The following TRAPPC9 variants were observed in gnomAD, a reference collection of about 807,000 sequenced individuals.
TRAPPC9 encodes the protein IKK2 binding protein.
A neutral mutation model predicts 124.0 loss-of-function variants in TRAPPC9; 83 were observed. That is an observed-to-expected ratio of 0.67 (90% CI 0.56 to 0.80). TRAPPC9 has a LOEUF of 0.80. TRAPPC9 is among the 30% of genes least tolerant of loss of function. The pLI, the probability that TRAPPC9 is intolerant of heterozygous loss-of-function variation, is 0.00. For synonymous variants in TRAPPC9, 638 were observed against 617.5 expected (o/e 1.03, Z -0.49); for missense variants, 1,302 against 1,508.3 (o/e 0.86, Z 2.27).
intron 8 of TRAPPC9, among the ~76,000 whole-genome samples, chr8:140,369,569 A>G (rs1563979163): frequency 1.3e-5 from 2 of 152,234 alleles, no homozygotes; most frequent in East Asian, 3.8e-4. Flanking sequence ...AGAATTATCC[A>G]AAAGCAGAAC....
intron 9 of TRAPPC9, among the ~76,000 whole-genome samples, chr8:140,324,628 G>A (rs992089740): frequency 6.6e-6 from 1 of 152,034 alleles, no homozygotes; most frequent in Non-Finnish European, 1.5e-5. Flanking sequence ...AAATTAGGCG[G>A]GCATGGTAGT....
At chr8:140,432,568 C>G (rs951580354) in intron 4 of TRAPPC9, among the ~76,000 whole-genome samples, 13 of 152,158 alleles carry the variant, frequency 8.5e-5, no homozygotes, top group African/African-American at 3.1e-4. Context: ...TATACCAACC[C>G]TATAATCATA....
At chr8:140,271,074 G>A (rs890608876) in intron 15 of TRAPPC9, among the ~76,000 whole-genome samples, 6 of 152,212 alleles carry the variant, frequency 3.9e-5, no homozygotes, top group Non-Finnish European at 8.8e-5. Flanking sequence ...TTAAATTACA[G>A]GAGATGTGAG....
intron 4 of TRAPPC9, 148 bp from the exon 5 acceptor site, chr8:140,426,789 TTA>T: frequency 1.3e-6 from 1 of 769,252 alleles, no homozygotes; most frequent in East Asian, 2.7e-5. Flanking sequence ...GAACAGTATG[TTA>T]CAAGTTTGGT....
At chr8:139,804,296 CCACA>C (rs1192952276) in intron 21 of TRAPPC9, among the ~76,000 whole-genome samples, 2 of 140,436 alleles carry the variant, frequency 1.4e-5, no homozygotes, top group East Asian at 4.5e-4. Flanking sequence ...ACCACCGCCA[CCACA>C]CACAACCACC....
intron 19 of TRAPPC9, among the ~76,000 whole-genome samples, chr8:139,956,231 G>A (rs2665924): frequency 0.39 from 59,201 of 151,038 alleles, 13,017 homozygotes; most frequent in Non-Finnish European, 0.49. Context: ...GTGTGATCTC[G>A]GCTCACTGCA....
chr8:140,315,601 CTTGAG>C, intron 9 of TRAPPC9, among the ~76,000 whole-genome samples: 1 of 151,970 alleles, frequency 6.6e-6, no homozygotes, highest in East Asian at 1.9e-4. Flanking sequence ...TAAAAAAATC[CTTGAG>C]TTATTACTTT....
At chr8:139,989,844 A>C (rs1275992738) in intron 18 of TRAPPC9, among the ~76,000 whole-genome samples, 1 of 152,182 alleles carries the variant, frequency 6.6e-6, no homozygotes, top group African/African-American at 2.4e-5. Context: ...GTCACAGTTG[A>C]ATGCTTGCCG....
chr8:140,087,311 C>T lies in TRAPPC9; in HGVS notation c.2557-63232G>A, dbSNP rs1844254445. On this transcript the variant is annotated intron_variant, in intron 17 of 22. Transcript: ENST00000438773. The surrounding 1 kb of genome is among the most constrained non-coding windows in gnomAD (Gnocchi z 4.6). ...GTGCCTCGAAAGCACAGCACTCTATCTCTGCAACCCCCTCAGGAATGTCAT... is the reference window on the plus strand; with the variant it reads ...GTGCCTCGAAAGCACAGCACTCTATTTCTGCAACCCCCTCAGGAATGTCAT... Among the ~76,000 whole-genome samples the T allele has an allele frequency of 6.6e-6, 1 of 152,132 alleles. No homozygotes were observed. The highest frequency in any genetic ancestry group is 1.5e-5 in the Non-Finnish European group (1 of 68,034).
chr8:140,386,613 T>C (rs1021718825), intron 7 of TRAPPC9, among the ~76,000 whole-genome samples: 6 of 152,080 alleles, frequency 3.9e-5, no homozygotes, highest in Non-Finnish European at 7.4e-5. Context: ...TTACAAGGGA[T>C]GTGAAGGACC....
At chr8:139,972,884 C>G (rs1215649039) in intron 19 of TRAPPC9, among the ~76,000 whole-genome samples, 1 of 152,218 alleles carries the variant, frequency 6.6e-6, no homozygotes, top group Non-Finnish European at 1.5e-5. Flanking sequence ...TTCCCCACAG[C>G]TGATACTCCG....
chr8:139,787,423 A>G (rs1822337959), intron 21 of TRAPPC9, among the ~76,000 whole-genome samples: 1 of 152,090 alleles, frequency 6.6e-6, no homozygotes, highest in Admixed American at 6.5e-5. Context: ...CTGGGGTTCA[A>G]AGAGATGACA....
At chr8:139,814,966 C>A (rs1331573821) in intron 21 of TRAPPC9, among the ~76,000 whole-genome samples, 1 of 152,180 alleles carries the variant, frequency 6.6e-6, no homozygotes, top group African/African-American at 2.4e-5. Flanking sequence ...CCATTGATGT[C>A]ACAGGAAACC....
At chr8:140,342,939 C>T (rs1395607204) in intron 9 of TRAPPC9, among the ~76,000 whole-genome samples, 2 of 152,134 alleles carry the variant, frequency 1.3e-5, no homozygotes, top group African/African-American at 4.8e-5. Context: ...CATCAACATA[C>T]GACACGTAGG....
chr8:140,074,376 A>G (rs1262196905), intron 17 of TRAPPC9, among the ~76,000 whole-genome samples: 1 of 152,164 alleles, frequency 6.6e-6, no homozygotes, highest in African/African-American at 2.4e-5. Context: ...CAGAAAAGCC[A>G]CTACTTTGGG....
At chr8:139,889,102 T>C (rs1472292819) in intron 20 of TRAPPC9, among the ~76,000 whole-genome samples, 2 of 152,198 alleles carry the variant, frequency 1.3e-5, no homozygotes, top group African/African-American at 4.8e-5. Flanking sequence ...CAAAATGGAA[T>C]GTTATTCGGC....
intron 15 of TRAPPC9, among the ~76,000 whole-genome samples, chr8:140,255,358 A>T (rs1051890944): frequency 1.3e-5 from 2 of 152,236 alleles, no homozygotes; most frequent in Admixed American, 6.5e-5. Flanking sequence ...TCAGTGGAAG[A>T]CTTGGCATAT....
rs59499088 is a variant in TRAPPC9 at position 140,114,332 on chromosome 8, G to GAAAA, written c.2557-90257_2557-90254dup. Among the ~76,000 whole-genome samples, 318 of 116,984 alleles carry GAAAA rather than the reference G, an allele frequency of 2.7e-3. 4 individuals carry two copies. The highest frequency in any genetic ancestry group is 9.6e-3 in the African/African-American group (302 of 31,560). The allele number at this position is 116,984 out of a possible 152,430, so 76.7% of individuals were successfully genotyped here. The stretch of plus-strand genomic sequence containing the variant: ...GTTCATAAGGACGAAAAGGACTGAA[G>GAAAA]AAAAAAAAAAAAAAAAAAACCTCAC... On this transcript the variant is annotated intron_variant, in intron 17 of 22. Coordinates refer to ENST00000438773, the MANE Select transcript of TRAPPC9 (RefSeq NM_001160372.4).
At chr8:140,018,203 G>A (rs186381987) in intron 18 of TRAPPC9, among the ~76,000 whole-genome samples, 187 of 152,070 alleles carry the variant, frequency 1.2e-3, no homozygotes, top group Non-Finnish European at 2.1e-3. Context: ...CATTTTCTAG[G>A]TAGGGATAAG....
Sources: allele counts gnomAD v4.1 joint callset (sites outside exome capture counted in the v4.1 genomes callset), GRCh38; gene constraint gnomAD v4.1.1; non-coding constraint Gnocchi (gnomAD v3.1); transcripts MANE v1.5; gene names NCBI Gene and HGNC (gene_info 2026-07-23, HGNC 2026-07-21).